The following IDUA variants were observed in gnomAD, a reference collection of about 807,000 sequenced individuals.
IDUA encodes the protein iduronidase alpha-L-.
In IDUA, 65 loss-of-function variants were observed where a neutral mutation model predicts 68.9. The ratio of observed to expected loss-of-function variants is 0.94; its 90% CI spans 0.77 to 1.16. The LOEUF (loss-of-function observed/expected upper bound fraction) is 1.16, where lower values mean the gene tolerates loss of function less well. Among genes scored for constraint, IDUA ranks in the 50% most tolerant of loss-of-function variants. The probability of loss-of-function intolerance (pLI) is 0.00; values close to 1 mark genes in which losing one functional copy is unlikely to be tolerated. For synonymous variants in IDUA, 529 were observed against 433.6 expected (o/e 1.22, Z -2.73); for missense variants, 1,046 against 938.0 (o/e 1.12, Z -1.50).
At chr4:989,309 C>T in intron 2 of IDUA, 2 of 1,611,848 alleles carry the variant, frequency 1.2e-6, no homozygotes, top group East Asian at 2.2e-5. Flanking sequence ...TACAGCGGCC[C>T]CCCAAAGCGG....
chr4:1,001,935 C>CCCGGG (rs1577540057), intron 6 of IDUA, 47 bp from the exon 7 acceptor site: 1 of 1,569,810 alleles, frequency 6.4e-7, no homozygotes, highest in Non-Finnish European at 8.6e-7. Flanking sequence ...GCCGCTGTGC[C>CCCGGG]CCGGGCCGCG....
At position 987,657 on chromosome 4, in the gene IDUA, T is replaced by C; in HGVS notation, c.159-152T>C. The C allele has an allele frequency of 1.0e-5, 15 of 1,465,620 alleles. No homozygotes were observed. The South Asian group carries it at 2.1e-4, about 20-fold the overall frequency. The allele number at this position is 1,465,620 out of a possible 1,614,324, so 90.8% of individuals were successfully genotyped here. On this transcript the variant is annotated intron_variant, in intron 1 of 13. Transcript: ENST00000514224. ...CCCATGAAGATGGGACCTCCCCACA[T>C]TCCTGGCCCTAAGGGTCATTTTATT...
chr4:1,004,057 G>GTACA lies in IDUA; in HGVS notation c.1774_1777dup (p.Thr593IlefsTer67). ...TCCAGTTCTCTCAGGACGGTAAGGC[G>GTACA]TACACCCCGGTCAGCAGGAAGCCAT... On this transcript the variant is annotated frameshift_variant, in exon 13 of 14. Transcript: ENST00000514224. LOFTEE classifies it high-confidence loss of function. The surrounding 1 kb of genome is among the most constrained non-coding windows in gnomAD (Gnocchi z 5.0). 6.2e-7 allele frequency: 1 copy of GTACA among 1,612,252 alleles called. No individual in the cohort carries two copies. The highest frequency in any genetic ancestry group is 8.5e-7 in the Non-Finnish European group (1 of 1,179,688).
chr4:1,003,227 G>T, intron 10 of IDUA, 70 bp downstream of exon 10: 2 of 1,276,534 alleles, frequency 1.6e-6, no homozygotes, highest in Non-Finnish European at 2.0e-6. Context: ...TCCGGGGCGG[G>T]GGCTCCGAGG....
At chr4:991,832 A>C (rs1426073998) in intron 2 of IDUA, 3 of 1,531,362 alleles carry the variant, frequency 2.0e-6, no homozygotes, top group Non-Finnish European at 2.6e-6. Flanking sequence ...CCCCTCGCCC[A>C]CCCAGGGCCG....
At chr4:993,913 C>T (rs1185192602) in intron 2 of IDUA, among the ~76,000 whole-genome samples, 1 of 152,202 alleles carries the variant, frequency 6.6e-6, no homozygotes, top group African/African-American at 2.4e-5. Context: ...GTGCTCACCG[C>T]CCAGGGCGAG....
rs1396538875 is a variant in IDUA at position 1,002,717 on chromosome 4, C to T, written c.1190-15C>T. On this transcript the variant is annotated splice_polypyrimidine_tract_variant and intron_variant, in intron 8 of 13. Coordinates refer to ENST00000514224, the MANE Select transcript of IDUA (RefSeq NM_000203.5). ...CAACGACCCCACGCGGCGACGGCCCCCCCCCGCCCCGCAGATGAGGAGCAG... is the reference window on the plus strand; with the variant it reads ...CAACGACCCCACGCGGCGACGGCCCTCCCCCGCCCCGCAGATGAGGAGCAG... 3 of 1,427,834 alleles carry T rather than the reference C, an allele frequency of 2.1e-6. No homozygotes were observed. The highest frequency in any genetic ancestry group is 4.4e-5 in the Admixed American group (2 of 45,514). The allele number at this position is 1,427,834 out of a possible 1,614,324, so 88.4% of individuals were successfully genotyped here.
In IDUA at chr4:1,004,471, C is replaced by T; in HGVS notation, c.*78C>T. 1 of 1,342,892 alleles carries T rather than the reference C, an allele frequency of 7.4e-7. No individual in the cohort carries two copies. The highest frequency in any genetic ancestry group is 1.0e-6 in the Non-Finnish European group (1 of 956,852). The allele number at this position is 1,342,892 out of a possible 1,614,324, so 83.2% of individuals were successfully genotyped here. ...GGCTGCACTGTGCCCATGCTGCCCT[C>T]CCATCACCCCCTTTGCAATATATTT... On this transcript the variant is annotated 3_prime_UTR_variant, in exon 14 of 14. Transcript: ENST00000514224. This position sits in a 1 kb window ranked among gnomAD's most constrained non-coding sequence, Gnocchi z 5.0.
intron 2 of IDUA, among the ~76,000 whole-genome samples, chr4:996,722 C>A (rs916174307): frequency 6.6e-6 from 1 of 152,220 alleles, no homozygotes; most frequent in Non-Finnish European, 1.5e-5. Context: ...CCCCCTCCCA[C>A]GTGTCTCTGC....
chr4:990,027 G>A lies in IDUA; in HGVS notation c.299+2078G>A, dbSNP rs542866310. Reference sequence around the variant, plus strand: ...TGTGGAGCTGCCCGAAGTGCGACACGAGTGTGGCCACCACGATGACCAGCA... The same window carrying A: ...TGTGGAGCTGCCCGAAGTGCGACACAAGTGTGGCCACCACGATGACCAGCA... On this transcript the variant is annotated intron_variant, in intron 2 of 13. Transcript: ENST00000514224. 3.5e-5 allele frequency: 55 copies of A among 1,592,538 alleles called. No individual in the cohort carries two copies. The Middle Eastern group carries it at 5.0e-4, about 14-fold the overall frequency.
intron 1 of IDUA, chr4:987,551 C>G (rs896120834): frequency 1.4e-5 from 17 of 1,202,310 alleles, no homozygotes; most frequent in Non-Finnish European, 1.1e-5. Context: ...TTCCTTCCAC[C>G]TAGAGCTGAG....
At chr4:995,016 G>A (rs1012869800) in intron 2 of IDUA, among the ~76,000 whole-genome samples, 11 of 151,216 alleles carry the variant, frequency 7.3e-5, no homozygotes, top group Admixed American at 2.6e-4. Flanking sequence ...AGTGAGGTAT[G>A]TTTGTAGCGC....
In IDUA at chr4:1,003,098, C is replaced by A. The variant is rs1375839111; in HGVS notation, c.1465C>A (p.Arg489Ser). 6.6e-7 allele frequency: 1 copy of A among 1,517,698 alleles called. No homozygotes were observed. The highest frequency in any genetic ancestry group is 8.8e-7 in the Non-Finnish European group (1 of 1,141,072). 94.0% of individuals were successfully genotyped at this position (1,517,698 alleles called of 1,614,324 possible). A position where few individuals can be genotyped will look rare whatever the true frequency, so the allele number is the denominator to read the frequency against. The change falls in exon 10 of 14, where the codon CGC becomes AGC. Residue 489 changes from arginine (R) to serine (S), a missense_variant. By Grantham distance (110) the Arg-to-Ser change is moderately radical. Transcript: ENST00000514224. ...CTGCAGCCCCGACGGCGAGTGGCGG[C>A]GCCTGGGCCGGCCCGTCTTCCCCAC... Reference protein sequence around the residue: ...GLCSPDGEWRRLGRPVFPTAE... With the variant: ...GLCSPDGEWRSLGRPVFPTAE...
intron 2 of IDUA, chr4:990,400 C>T (rs778445363): frequency 2.7e-5 from 42 of 1,527,364 alleles, no homozygotes; most frequent in Admixed American, 6.1e-5. Context: ...AGGCGCCTGG[C>T]GGGAGCCACC....
chr4:1,000,517 C>T (rs936295653), intron 2 of IDUA, 95 bp from the exon 3 acceptor site: 2 of 981,874 alleles, frequency 2.0e-6, no homozygotes, highest in Admixed American at 3.4e-5. Flanking sequence ...TGGCACCTTG[C>T]AGGCTCCCAC....
Position 991,396 on chromosome 4 carries a change from T to C in IDUA, c.299+3447T>C. 6.2e-7 allele frequency: 1 copy of C among 1,612,724 alleles called. No individual in the cohort carries two copies. The highest frequency in any genetic ancestry group is 1.1e-5 in the South Asian group (1 of 91,080). On this transcript the variant is annotated intron_variant, in intron 2 of 13. Transcript: ENST00000514224. ...GATGAGGTTGGCGAAGAAGGACGTATAGAGGCTGTAGATGGGCTGCAGCCC... is the reference window on the plus strand; with the variant it reads ...GATGAGGTTGGCGAAGAAGGACGTACAGAGGCTGTAGATGGGCTGCAGCCC...
Position 990,217 on chromosome 4 carries a change from C to T in IDUA, c.299+2268C>T, listed in dbSNP as rs149040232. The stretch of plus-strand genomic sequence containing the variant: ...CCATGTGAGGACCACCATGCCGGGC[C>T]CCTGGTGCCGCGGGATCCGCACGCC... On this transcript the variant is annotated intron_variant, in intron 2 of 13. Coordinates refer to ENST00000514224, the MANE Select transcript of IDUA (RefSeq NM_000203.5). The T allele has an allele frequency of 3.5e-5, 55 of 1,566,246 alleles. No individual in the cohort carries two copies. Among genetic ancestry groups the T allele is most frequent in the Middle Eastern group, 1.7e-4 (1 of 5,974 alleles).
chr4:1,003,366 C>G lies in IDUA; in HGVS notation c.1546C>G (p.Arg516Gly). ...CCAGGACCCGGTGGCCGCGGCGCCC[C>G]GCCCCTTACCCGCCGGCGGCCGCCT... Reference protein sequence around the residue: ...AAEDPVAAAPRPLPAGGRLTL... With the variant: ...AAEDPVAAAPGPLPAGGRLTL... The change falls in exon 11 of 14, where the codon CGC (arginine) becomes GGC (glycine). Residue 516 changes from arginine (R) to glycine (G), a missense_variant. Physicochemically the swap from Arg to Gly is moderately radical, Grantham distance 125. Coordinates refer to ENST00000514224, the MANE Select transcript of IDUA (RefSeq NM_000203.5). The G allele has an allele frequency of 6.8e-7, 1 of 1,476,346 alleles. No individual in the cohort carries two copies. The highest frequency in any genetic ancestry group is 8.9e-7 in the Non-Finnish European group (1 of 1,123,538). The allele number at this position is 1,476,346 out of a possible 1,614,324, so 91.5% of individuals were successfully genotyped here.
At chr4:1,003,005 G>C (rs1394323364) in intron 9 of IDUA, 31 bp from the exon 10 acceptor site, 1 of 1,437,590 alleles carries the variant, frequency 7.0e-7, no homozygotes, top group Non-Finnish European at 9.1e-7. Context: ...GGCGGCCCGG[G>C]GAGCCGAGGC....
Sources: gnomAD v4.1 joint callset for allele counts (sites outside exome capture counted in the v4.1 genomes callset) on GRCh38, gnomAD v4.1.1 for gene constraint, Gnocchi (gnomAD v3.1) non-coding constraint, MANE v1.5 for transcripts, NCBI Gene and HGNC (gene_info 2026-07-23, HGNC 2026-07-21) for gene names.